The following EPPK1 variants were observed in gnomAD, a reference collection of about 807,000 sequenced individuals.
EPPK1 encodes the protein epiplakin.
For synonymous variants in EPPK1, 1,862 were observed against 1,721.2 expected (o/e 1.08, Z -2.03); for missense variants, 3,823 against 3,673.3 (o/e 1.04, Z -1.05).
At chr8:143,877,601 C>T (rs141061450) in intron 1 of EPPK1, among the ~76,000 whole-genome samples, 24 of 152,196 alleles carry the variant, frequency 1.6e-4, no homozygotes, top group Middle Eastern at 3.4e-3. Flanking sequence ...AGGCCCCCAC[C>T]GCAGCCTGGG....
Position 143,871,583 on chromosome 8 carries a change from C to T in EPPK1, c.1671G>A (p.Arg557=). 1 of 1,609,650 alleles carries T rather than the reference C, an allele frequency of 6.2e-7. No individual in the cohort carries two copies. Among genetic ancestry groups the T allele is most frequent in the Non-Finnish European group, 8.5e-7 (1 of 1,178,760 alleles). Residue 557 remains arginine, a synonymous_variant, in exon 2 of 2, where the codon AGG becomes AGA. Coordinates refer to ENST00000615648, the MANE Select transcript of EPPK1 (RefSeq NM_031308.4). ...ATLEQAAATA[R]VTFSGLRDTV... is the part of the protein sequence containing the mutation. ...TGTCCCTCAGCCCAGAAAAGGTGAC[C>T]CTGGCAGTGGCTGCAGCCTGCTCGA... is the stretch of plus-strand genomic sequence containing the variant.
chr8:143,866,435 G>T lies in EPPK1; in HGVS notation c.6819C>A (p.Ile2273=). ...ACAGCCTCAGGTTGCGCACGGGGTC[G>T]ATGACGAAGCCGGTGGCCGCCTGCG... ...LEAQAATGFV[I]DPVRNLRLSV... Residue 2273 remains isoleucine, a synonymous_variant, in exon 2 of 2, where the codon ATC becomes ATA. Coordinates refer to ENST00000615648, the MANE Select transcript of EPPK1 (RefSeq NM_031308.4). The T allele has an allele frequency of 7.5e-7, 1 of 1,331,474 alleles. No homozygotes were observed. The allele number at this position is 1,331,474 out of a possible 1,614,324, so 82.5% of individuals were successfully genotyped here. A position where few individuals can be genotyped will look rare whatever the true frequency, so the allele number is the denominator to read the frequency against.
At position 143,867,992 on chromosome 8, in the gene EPPK1, C is replaced by T. The variant is rs782346762; in HGVS notation, c.5262G>A (p.Leu1754=). ...ERCVEDPETG[L]YLLQIIKKGE... is the part of the protein sequence containing the mutation. Reference sequence around the variant, plus strand: ...CTTTCTTTATGATTTGTAGCAGGTACAGGCCCGTCTCGGGGTCCTCCACAC... The same window carrying T: ...CTTTCTTTATGATTTGTAGCAGGTATAGGCCCGTCTCGGGGTCCTCCACAC... The change falls in exon 2 of 2, where the codon CTG becomes CTA. Residue 1754 remains leucine, a synonymous_variant. Coordinates refer to ENST00000615648, the MANE Select transcript of EPPK1 (RefSeq NM_031308.4). 5.0e-6 allele frequency: 8 copies of T among 1,613,568 alleles called. No individual in the cohort carries two copies. Among genetic ancestry groups the T allele is most frequent in the Non-Finnish European group, 6.8e-6 (8 of 1,180,000 alleles).
chr8:143,877,809 GGGGCCCAGGGCA>G (rs1178999226), intron 1 of EPPK1, among the ~76,000 whole-genome samples: 1 of 152,012 alleles, frequency 6.6e-6, no homozygotes, highest in Non-Finnish European at 1.5e-5. Context: ...CAGTGCAGCG[GGGGCCCAGGGCA>G]GGGAAGCAGA....
At chr8:143,874,872 AC>A (rs1285862365) in intron 1 of EPPK1, among the ~76,000 whole-genome samples, 12 of 149,920 alleles carry the variant, frequency 8.0e-5, no homozygotes, top group Admixed American at 8.0e-4. Context: ...CCCACGTTTG[AC>A]CCCCACCCCC....
Position 143,867,215 on chromosome 8 carries a change from C to T in EPPK1, c.6039G>A (p.Thr2013=), listed in dbSNP as rs575399844. The change falls in exon 2 of 2, where the codon ACG becomes ACA. Residue 2013 remains threonine, a synonymous_variant. Coordinates refer to ENST00000615648, the MANE Select transcript of EPPK1 (RefSeq NM_031308.4). ...GGTGCTGTGGGTCGATGACACCCCC[C>T]GTGGCCACCTGCACCTCCAGCAGCC... ...ALRLLEVQVA[T]GGVIDPQHHH... 347 of 1,612,726 alleles carry T rather than the reference C, an allele frequency of 2.2e-4. 2 individuals are homozygous for T. In the East Asian group the frequency reaches 6.5e-3, roughly 30 times the overall value.
rs782315497 is a variant in EPPK1 at position 143,870,343 on chromosome 8, C to T, written c.2911G>A (p.Gly971Arg). The T allele has an allele frequency of 2.7e-5, 42 of 1,557,890 alleles. No homozygotes were observed. Among genetic ancestry groups the T allele is most frequent in the African/African-American group, 6.8e-5 (5 of 73,486 alleles). Residue 971 changes from glycine to arginine, a missense_variant, in exon 2 of 2, where the codon GGA becomes AGA. Physicochemically the swap from Gly to Arg is moderately radical, Grantham distance 125. Coordinates refer to ENST00000615648, the MANE Select transcript of EPPK1 (RefSeq NM_031308.4). The surrounding 1 kb of genome is among the most constrained non-coding windows in gnomAD (Gnocchi z 5.2). ...GGGCTGTGAGGGTCCATGATGGTTC[C>T]GGTGGCCGCCTGGGCCTCCAGCAGG... ...LALLEAQAATGTIMDPHSPES... is the reference protein window; with the variant it reads ...LALLEAQAATRTIMDPHSPES...
chr8:143,876,477 G>C (rs1819479911), intron 1 of EPPK1, among the ~76,000 whole-genome samples: 1 of 152,166 alleles, frequency 6.6e-6, no homozygotes, highest in African/African-American at 2.4e-5. Flanking sequence ...TCTGCTTCTG[G>C]GGGGTACATG....
In EPPK1 at chr8:143,869,346, G is replaced by A. The variant is rs376972839; in HGVS notation, c.3908C>T (p.Ala1303Val). The A allele has an allele frequency of 3.4e-5, 55 of 1,610,120 alleles. No individual in the cohort carries two copies. Among genetic ancestry groups the A allele is most frequent in the Admixed American group, 5.0e-5 (3 of 59,726 alleles). The change falls in exon 2 of 2, where the codon GCG becomes GTG. Residue 1303 changes from alanine (A) to valine (V), a missense_variant. Transcript: ENST00000615648. ...CCTGCCCACCAGGCCGACCTTAACC[G>A]CGTCCTCCACTGACAGTCTCTGGTT... Reference protein sequence around the residue: ...LNNQRLSVEDAVKVGLVGREL... With the variant: ...LNNQRLSVEDVVKVGLVGREL...
chr8:143,870,784 C>T lies in EPPK1; in HGVS notation c.2470G>A (p.Gly824Arg). 1 of 1,612,700 alleles carries T rather than the reference C, an allele frequency of 6.2e-7. No individual in the cohort carries two copies. The highest frequency in any genetic ancestry group is 1.1e-5 in the South Asian group (1 of 91,070). Residue 824 changes from glycine (G) to arginine (R), a missense_variant, in exon 2 of 2, where the codon GGA becomes AGA. By Grantham distance (125) the Gly-to-Arg change is moderately radical. Transcript: ENST00000615648. This position sits in a 1 kb window ranked among gnomAD's most constrained non-coding sequence, Gnocchi z 5.2. ...FQNLLLSVKYGRFQGQRVSAW... is the reference protein window; with the variant it reads ...FQNLLLSVKYRRFQGQRVSAW... ...GAGACCCTCTGCCCCTGAAACCGTC[C>T]ATACTTCACGGAGAGCAGCAGGTTC...
chr8:143,878,736 T>TG (rs1310669437), upstream of EPPK1, among the ~76,000 whole-genome samples: 4 of 151,362 alleles, frequency 2.6e-5, no homozygotes, highest in African/African-American at 9.7e-5. Context: ...TTTTTTTTTT[T>TG]GGGAAAGGAG....
In EPPK1 at chr8:143,867,653, C is replaced by T; in HGVS notation, c.5601G>A (p.Gln1867=). 1 of 1,613,460 alleles carries T rather than the reference C, an allele frequency of 6.2e-7. No homozygotes were observed. Among genetic ancestry groups the T allele is most frequent in the Non-Finnish European group, 8.5e-7 (1 of 1,179,842 alleles). ...ADLFNSRVID[Q]KTLHTLRVGR... is the part of the protein sequence containing the mutation. ...CCACACGAAGTGTGTGCAGGGTCTT[C>T]TGATCGATGACCCTGGAGTTGAACA... The change falls in exon 2 of 2, where the codon CAG becomes CAA. Residue 1867 remains glutamine, a synonymous_variant. Transcript: ENST00000615648.
rs370047268 is a variant in EPPK1 at position 143,866,644 on chromosome 8, G to C, written c.6610C>G (p.Arg2204Gly). Residue 2204 changes from arginine (R) to glycine (G), a missense_variant, in exon 2 of 2, where the codon CGG (arginine) becomes GGG (glycine). Physicochemically the swap from Arg to Gly is moderately radical, Grantham distance 125. Coordinates refer to ENST00000615648, the MANE Select transcript of EPPK1 (RefSeq NM_031308.4). ...EEMLQDLETG[R>G]STTQELMEDD... ...TCCATGAGCTCTTGCGTCGTGCTCC[G>C]TCCCGTTTCCAGGTCCTGGAGCATT... 2 of 1,612,988 alleles carry C rather than the reference G, an allele frequency of 1.2e-6. No homozygotes were observed. The highest frequency in any genetic ancestry group is 1.1e-5 in the South Asian group (1 of 91,084).
rs377555471 is a variant in EPPK1, at chr8:143,868,310, G to A, written c.4944C>T (p.Ala1648=). 3.1e-4 allele frequency: 499 copies of A among 1,613,124 alleles called. No homozygotes were observed. Among genetic ancestry groups the A allele is most frequent in the East Asian group, 4.2e-4 (19 of 44,866 alleles). The change falls in exon 2 of 2, where the codon GCC becomes GCT. Residue 1648 remains alanine, a synonymous_variant. Transcript: ENST00000615648. ...TATAGGGGTCGGTGTAGCCGGTGAC[G>A]GCGCGCTCGGCCGACAGCAGCTTCA... is the stretch of plus-strand genomic sequence containing the variant. ...TYVKLLSAER[A]VTGYTDPYTG...
chr8:143,866,417 C>T lies in EPPK1; in HGVS notation c.6837G>A (p.Leu2279=). 4 of 1,194,360 alleles carry T rather than the reference C, an allele frequency of 3.3e-6. No homozygotes were observed. The highest frequency in any genetic ancestry group is 4.5e-6 in the Non-Finnish European group (4 of 882,658). 74.0% of individuals were successfully genotyped at this position (1,194,360 alleles called of 1,614,324 possible). A position where few individuals can be genotyped will look rare whatever the true frequency, so the allele number is the denominator to read the frequency against. The change falls in exon 2 of 2, where the codon CTG becomes CTA. Residue 2279 remains leucine, a synonymous_variant. Coordinates refer to ENST00000615648, the MANE Select transcript of EPPK1 (RefSeq NM_031308.4). ...TGFVIDPVRN[L]RLSVEEAVAA... ...CCACGGCCTCCTCCACCGACAGCCT[C>T]AGGTTGCGCACGGGGTCGATGACGA... is the stretch of plus-strand genomic sequence containing the variant.
Position 143,870,757 on chromosome 8 carries a change from C to T in EPPK1, c.2497G>A (p.Ala833Thr), listed in dbSNP as rs782549936. The T allele has an allele frequency of 1.8e-5, 29 of 1,612,458 alleles. No individual in the cohort carries two copies. The highest frequency in any genetic ancestry group is 6.6e-5 in the South Asian group (6 of 91,074). ...TACTCAGAGTTGATCAGCTCCCACG[C>T]GGAGACCCTCTGCCCCTGAAACCGT... ...YGRFQGQRVS[A>T]WELINSEYFS... Residue 833 changes from alanine to threonine, a missense_variant, in exon 2 of 2, where the codon GCG (alanine) becomes ACG (threonine). Ala to Thr is a moderately conservative substitution (Grantham distance 58). Coordinates refer to ENST00000615648, the MANE Select transcript of EPPK1 (RefSeq NM_031308.4). This position sits in a 1 kb window ranked among gnomAD's most constrained non-coding sequence, Gnocchi z 5.2.
chr8:143,876,377 C>T (rs999128653), intron 1 of EPPK1, among the ~76,000 whole-genome samples: 1 of 152,192 alleles, frequency 6.6e-6, no homozygotes, highest in Non-Finnish European at 1.5e-5. Flanking sequence ...GGGGCCAGGT[C>T]CACCCTGCAA....
rs782214961 is a variant in EPPK1 at position 143,866,736 on chromosome 8, C to G, written c.6518G>C (p.Trp2173Ser). 27 of 1,613,468 alleles carry G rather than the reference C, an allele frequency of 1.7e-5. No individual in the cohort carries two copies. Among genetic ancestry groups the G allele is most frequent in the Non-Finnish European group, 3.4e-6 (4 of 1,179,882 alleles). Reference sequence around the variant, plus strand: ...GATCTGTCGTCTAATTCCTTGGAACCACAGGTGTTTGTTGCTGGTTTCCTG... The same window carrying G: ...GATCTGTCGTCTAATTCCTTGGAACGACAGGTGTTTGTTGCTGGTTTCCTG... ...EKQETSNKHLWFQGIRRQITA... is the reference protein window; with the variant it reads ...EKQETSNKHLSFQGIRRQITA... Residue 2173 changes from tryptophan (W) to serine (S), a missense_variant, in exon 2 of 2, where the codon TGG (tryptophan) becomes TCG (serine). Physicochemically the swap from Trp to Ser is radical, Grantham distance 177. Transcript: ENST00000615648.
chr8:143,867,900 C>T lies in EPPK1; in HGVS notation c.5354G>A (p.Arg1785His), dbSNP rs189786019. Residue 1785 changes from arginine to histidine, a missense_variant, in exon 2 of 2, where the codon CGC becomes CAC. Arg to His is a conservative substitution (Grantham distance 29, BLOSUM62 0). Transcript: ENST00000615648. ...CACCTGGTCAGCAAACCTCCCCACG[C>T]GCATTTTTGCAGTTCTGGATTGCAA... ...HVLQSRTAKM[R>H]VGRFADQVVS... The T allele has an allele frequency of 9.5e-5, 154 of 1,613,452 alleles. 2 individuals carry two copies. In the Middle Eastern group the frequency reaches 9.9e-4, roughly 10 times the overall value.
Sources: gnomAD v4.1 joint callset for allele counts (sites outside exome capture counted in the v4.1 genomes callset) on GRCh38, gnomAD v4.1.1 for gene constraint, Gnocchi (gnomAD v3.1) non-coding constraint, MANE v1.5 for transcripts, NCBI Gene and HGNC (gene_info 2026-07-23, HGNC 2026-07-21) for gene names.